Variants in SHISA9 observed in about 807,000 individuals in gnomAD.
SHISA9 encodes protein shisa-9.
In SHISA9, 13 loss-of-function variants were observed where a neutral mutation model predicts 38.0. The ratio of observed to expected loss-of-function variants is 0.34; its 90% CI spans 0.22 to 0.54. SHISA9 has a LOEUF of 0.54. Ranked by LOEUF, SHISA9 falls within the 20% of genes least tolerant of loss-of-function variation. The pLI is 0.91. For synonymous variants in SHISA9, 275 were observed against 242.0 expected, an observed-to-expected ratio of 1.14 and a Z score of -1.27; for missense variants, 538 against 575.8, an observed-to-expected ratio of 0.93 and a Z score of 0.67.
the SHISA9 span, among the ~76,000 whole-genome samples, chr16:13,258,659 T>C: frequency 6.6e-6 from 1 of 152,196 alleles, no homozygotes; most frequent in Admixed American, 6.5e-5. Context: ...CTCAGAATCA[T>C]GGTGGGAGGC....
At chr16:13,177,528 CTTTTA>C (rs200771027) in intron 2 of SHISA9, among the ~76,000 whole-genome samples, 1,840 of 152,146 alleles carry the variant, frequency 0.012, 35 homozygotes, top group African/African-American at 0.042. Flanking sequence ...AATACTTCTA[CTTTTA>C]TTTTATTTTT....
the SHISA9 span, among the ~76,000 whole-genome samples, chr16:13,436,550 C>T: frequency 1.3e-5 from 2 of 152,228 alleles, no homozygotes; most frequent in South Asian, 4.1e-4. Context: ...CAGCAGCTCT[C>T]AGGGGCTGCT....
chr16:13,041,991 G>A (rs570834014), intron 2 of SHISA9, among the ~76,000 whole-genome samples: 130 of 152,334 alleles, frequency 8.5e-4, no homozygotes, highest in Non-Finnish European at 1.2e-3. Flanking sequence ...TTGGTTTCTG[G>A]ATTGTGAGAG....
At chr16:13,264,667 T>G in the SHISA9 span, among the ~76,000 whole-genome samples, 2 of 152,148 alleles carry the variant, frequency 1.3e-5, no homozygotes, top group South Asian at 2.1e-4. Flanking sequence ...TTTTAGATTT[T>G]CTTTCTAATA....
At chr16:13,398,982 G>A in the SHISA9 span, among the ~76,000 whole-genome samples, 3 of 152,264 alleles carry the variant, frequency 2.0e-5, no homozygotes, top group South Asian at 2.1e-4. Flanking sequence ...CAGATAGGGC[G>A]TGGTGGTTCA....
the SHISA9 span, among the ~76,000 whole-genome samples, chr16:13,454,621 A>T: frequency 1.3e-5 from 2 of 152,200 alleles, no homozygotes; most frequent in African/African-American, 4.8e-5. Flanking sequence ...TGGCGATTCA[A>T]ATATAGGCAG....
chr16:13,277,586 G>T, the SHISA9 span, among the ~76,000 whole-genome samples: 1 of 151,782 alleles, frequency 6.6e-6, no homozygotes, highest in East Asian at 1.9e-4. Flanking sequence ...TATCATCTAT[G>T]ATTTCTTTCA....
chr16:13,015,804 T>C (rs1662824812), intron 2 of SHISA9, among the ~76,000 whole-genome samples: 1 of 151,560 alleles, frequency 6.6e-6, no homozygotes, highest in Non-Finnish European at 1.5e-5. Flanking sequence ...TCTTTCTTTC[T>C]TTAAGTTTGT....
At chr16:13,502,953 G>A in the SHISA9 span, among the ~76,000 whole-genome samples, 1 of 152,110 alleles carries the variant, frequency 6.6e-6, no homozygotes, top group African/African-American at 2.4e-5. Flanking sequence ...AGAGAAATAT[G>A]CAATTGCAAA....
At chr16:12,906,004 A>G (rs546690581) in intron 1 of SHISA9, among the ~76,000 whole-genome samples, 3 of 152,316 alleles carry the variant, frequency 2.0e-5, no homozygotes, top group Admixed American at 2.0e-4. Flanking sequence ...TTACGCAGTT[A>G]ATCACTTGGA....
At chr16:12,908,843 A>C in intron 1 of SHISA9, 3 of 1,236,200 alleles carry the variant, frequency 2.4e-6, no homozygotes, top group Non-Finnish European at 3.1e-6. Context: ...CTACACTTGA[A>C]GCCAGTAGGG....
At position 12,902,076 on chromosome 16, in the gene SHISA9, C is replaced by T; in HGVS notation, c.12C>T (p.Val4=). Residue 4 remains valine, a synonymous_variant, in exon 1 of 5, where the codon GTC becomes GTT. Transcript: ENST00000558583. ...GGCTGGGAGACACCATGCGCCGCGT[C>T]CTTCGGCTGCTCCTCGGTTGCTTCC... MRR[V]LRLLLGCFLT... is the part of the protein sequence containing the mutation. The T allele has an allele frequency of 2.7e-6, 4 of 1,490,108 alleles. No individual in the cohort carries two copies. In the South Asian group the frequency reaches 5.0e-5, roughly 19 times the overall value. 92.3% of individuals were successfully genotyped at this position (1,490,108 alleles called of 1,614,324 possible).
chr16:12,979,000 T>C (rs1014947806), intron 2 of SHISA9, among the ~76,000 whole-genome samples: 1 of 152,220 alleles, frequency 6.6e-6, no homozygotes, highest in African/African-American at 2.4e-5. Context: ...TGATCTGTTT[T>C]TGGGATCCCA....
chr16:13,361,111 T>C, the SHISA9 span, among the ~76,000 whole-genome samples: 1 of 152,364 alleles, frequency 6.6e-6, no homozygotes, highest in African/African-American at 2.4e-5. Context: ...CTCACACTTT[T>C]TCCTTCATTT....
chr16:13,445,508 A>C, the SHISA9 span, among the ~76,000 whole-genome samples: 1 of 152,212 alleles, frequency 6.6e-6, no homozygotes, highest in Non-Finnish European at 1.5e-5. Context: ...TATTGGCTTA[A>C]ATATTAGTGA....
intron 2 of SHISA9, among the ~76,000 whole-genome samples, chr16:12,970,342 T>TAC (rs1555504221): frequency 1.3e-5 from 1 of 77,190 alleles, no homozygotes; most frequent in Non-Finnish European, 2.3e-5. Context: ...TATATATATA[T>TAC]ACATATATGT....
At chr16:13,147,461 C>CTTTTT (rs55972023) in intron 2 of SHISA9, among the ~76,000 whole-genome samples, 16 of 65,062 alleles carry the variant, frequency 2.5e-4, no homozygotes, top group South Asian at 6.7e-4. Context: ...GTAAACTGAG[C>CTTTTT]TTTTTTTTTT....
chr16:13,537,164 A>G, the SHISA9 span, among the ~76,000 whole-genome samples: 1 of 152,202 alleles, frequency 6.6e-6, no homozygotes, highest in Non-Finnish European at 1.5e-5. Context: ...CTGGTGGCTC[A>G]TGCCTGTAAT....
chr16:13,398,256 G>A, the SHISA9 span, among the ~76,000 whole-genome samples: 1 of 152,098 alleles, frequency 6.6e-6, no homozygotes, highest in African/African-American at 2.4e-5. Context: ...CACAAACCCG[G>A]GGGTGGAGCC....
Sources: allele counts gnomAD v4.1 joint callset (sites outside exome capture counted in the v4.1 genomes callset), GRCh38; gene constraint gnomAD v4.1.1; transcripts MANE v1.5; gene names NCBI Gene and HGNC (gene_info 2026-07-23, HGNC 2026-07-21).